PARD3B: variants seen among roughly 807,000 people sequenced by gnomAD.
PARD3B encodes partitioning defective 3 homolog B.
A neutral mutation model predicts 130.2 loss-of-function variants in PARD3B; 103 were observed. The ratio of observed to expected loss-of-function variants is 0.79; its 90% CI spans 0.67 to 0.93. PARD3B has a LOEUF of 0.93. Ranked by LOEUF, PARD3B falls within the 40% of genes least tolerant of loss-of-function variation. The pLI, the probability that PARD3B is intolerant of heterozygous loss-of-function variation, is 0.00. For synonymous variants in PARD3B, 583 were observed against 553.2 expected (o/e 1.05, Z -0.76); for missense variants, 1,609 against 1,499.2 (o/e 1.07, Z -1.21).
chr2:205,335,374 C>A lies in PARD3B; in HGVS notation c.2630+33673C>A, dbSNP rs562604492. Among the ~76,000 whole-genome samples the A allele has an allele frequency of 1.3e-3, 202 of 152,296 alleles. 1 individual carries two copies. The highest frequency in any genetic ancestry group is 4.8e-3 in the African/African-American group (200 of 41,558). ...CTGAAAGTCCCTGCTCTCAGGAACT[C>A]ACTATGCTCGTTGTAGAATTGTCTA... is the stretch of plus-strand genomic sequence containing the variant. On this transcript the variant is annotated intron_variant, in intron 18 of 22. Coordinates refer to ENST00000406610, the MANE Select transcript of PARD3B (RefSeq NM_001302769.2).
At chr2:205,346,942 T>G (rs2043817180) in intron 18 of PARD3B, among the ~76,000 whole-genome samples, 1 of 151,004 alleles carries the variant, frequency 6.6e-6, no homozygotes, top group African/African-American at 2.5e-5. Flanking sequence ...CTTCTGTAAC[T>G]CTTGTATATT....
chr2:204,832,395 T>A (rs1279334403), intron 2 of PARD3B, among the ~76,000 whole-genome samples: 1 of 152,218 alleles, frequency 6.6e-6, no homozygotes, highest in Non-Finnish European at 1.5e-5. Flanking sequence ...AATGAAATAA[T>A]CATTGACATA....
chr2:204,570,096 G>C (rs2031903093), intron 1 of PARD3B, among the ~76,000 whole-genome samples: 1 of 152,104 alleles, frequency 6.6e-6, no homozygotes, highest in African/African-American at 2.4e-5. Flanking sequence ...AGATATTGGG[G>C]CCTCCTTTGT....
At chr2:205,255,403 G>T (rs2040039466) in intron 16 of PARD3B, among the ~76,000 whole-genome samples, 1 of 152,050 alleles carries the variant, frequency 6.6e-6, no homozygotes, top group Non-Finnish European at 1.5e-5. Flanking sequence ...AATGTGTATG[G>T]TTTTTCCCCA....
chr2:205,131,147 C>T (rs1274478257), intron 10 of PARD3B, among the ~76,000 whole-genome samples: 1 of 151,900 alleles, frequency 6.6e-6, no homozygotes, highest in Non-Finnish European at 1.5e-5. Context: ...CAAATGATTC[C>T]ATGCTTAATT....
In PARD3B at chr2:205,550,955, G is replaced by GTGTGTGTATATATATATATATATATATA. The variant is rs796567936; in HGVS notation, c.3181-2368_3181-2367insGTGTGTATATATATATATATATATATAT. Among the ~76,000 whole-genome samples the GTGTGTGTATATATATATATATATATATA allele has an allele frequency of 1.1e-4, 10 of 94,460 alleles. No homozygotes were observed. The highest frequency in any genetic ancestry group is 3.3e-4 in the East Asian group (1 of 3,046). 62.0% of individuals were successfully genotyped at this position (94,460 alleles called of 152,430 possible). On this transcript the variant is annotated intron_variant, in intron 21 of 22. Transcript: ENST00000406610. This position sits in a 1 kb window ranked among gnomAD's most constrained non-coding sequence, Gnocchi z 4.5. ...TGTGTGTGTGTGTATATATATATGT[G>GTGTGTGTATATATATATATATATATATA]TATATATATATATATATATATACAC...
intron 10 of PARD3B, among the ~76,000 whole-genome samples, chr2:205,153,237 G>A (rs191433259): frequency 1.3e-5 from 2 of 152,252 alleles, no homozygotes; most frequent in African/African-American, 2.4e-5. Context: ...TGGGGGTCAG[G>A]GACCCACTTG....
At position 205,078,151 on chromosome 2, in the gene PARD3B, A is replaced by T. The variant is rs1575719605; in HGVS notation, c.505-26275A>T. ...TGTAATTAAGAGTGAGATATAGTTT[A>T]TTTATGAAAAGGTGCTTTTGTGTGG... is the stretch of plus-strand genomic sequence containing the variant. On this transcript the variant is annotated intron_variant, in intron 4 of 22. Transcript: ENST00000406610. This position sits in a 1 kb window ranked among gnomAD's most constrained non-coding sequence, Gnocchi z 4.0. Among the ~76,000 whole-genome samples, 1 of 152,318 alleles carries T rather than the reference A, an allele frequency of 6.6e-6. No homozygotes were observed. The highest frequency in any genetic ancestry group is 2.4e-5 in the African/African-American group (1 of 41,572).
At position 205,553,309 on chromosome 2, in the gene PARD3B, C is replaced by CT. The variant is rs1575341579; in HGVS notation, c.3181-11dup. On this transcript the variant is annotated splice_polypyrimidine_tract_variant and intron_variant, in intron 21 of 22. Coordinates refer to ENST00000406610, the MANE Select transcript of PARD3B (RefSeq NM_001302769.2). ...TATAATGGATCTTCATCTCTAATTG[C>CT]TTTTCTCTCCACAGGTGCCTGGAAG... is the stretch of plus-strand genomic sequence containing the variant. 1 of 1,611,194 alleles carries CT rather than the reference C, an allele frequency of 6.2e-7. No individual in the cohort carries two copies.
intron 2 of PARD3B, among the ~76,000 whole-genome samples, chr2:204,794,605 C>T (rs1199448245): frequency 1.3e-5 from 2 of 152,262 alleles, no homozygotes; most frequent in East Asian, 3.9e-4. Flanking sequence ...TATAAATGAC[C>T]TTGAGCACAG....
intron 2 of PARD3B, among the ~76,000 whole-genome samples, chr2:204,749,068 G>T (rs1271517299): frequency 6.6e-6 from 1 of 151,904 alleles, no homozygotes; most frequent in African/African-American, 2.4e-5. Context: ...AAATTGTAAA[G>T]TTTTGCAGGG....
At chr2:204,863,161 C>T (rs1461932089) in intron 2 of PARD3B, among the ~76,000 whole-genome samples, 1 of 152,186 alleles carries the variant, frequency 6.6e-6, no homozygotes, top group Non-Finnish European at 1.5e-5. Context: ...ATCAATACCT[C>T]TTGCCTCCTC....
At chr2:205,206,754 A>C (rs1384957001) in intron 15 of PARD3B, among the ~76,000 whole-genome samples, 1 of 152,110 alleles carries the variant, frequency 6.6e-6, no homozygotes, top group Non-Finnish European at 1.5e-5. Flanking sequence ...GCTGGGTCAA[A>C]TGGTATAATA....
In PARD3B at chr2:205,446,008, C is replaced by CT. The variant is rs1461532127; in HGVS notation, c.3044+5337dup. On this transcript the variant is annotated intron_variant, in intron 20 of 22. Coordinates refer to ENST00000406610, the MANE Select transcript of PARD3B (RefSeq NM_001302769.2). This position sits in a 1 kb window ranked among gnomAD's most constrained non-coding sequence, Gnocchi z 4.4. ...TAGGATCCAATGGCAATACAAAGAC[C>CT]TAAACATGCAGTGAGAACACAGTGT... is the stretch of plus-strand genomic sequence containing the variant. Among the ~76,000 whole-genome samples the CT allele has an allele frequency of 6.6e-6, 1 of 152,134 alleles. No individual in the cohort carries two copies.
chr2:204,718,392 G>C (rs553406209), intron 2 of PARD3B, among the ~76,000 whole-genome samples: 1 of 152,114 alleles, frequency 6.6e-6, no homozygotes, highest in Non-Finnish European at 1.5e-5. Flanking sequence ...CAATCATGGC[G>C]GAAGGGGAAG....
chr2:205,567,932 G>T (rs1475815160), intron 22 of PARD3B, among the ~76,000 whole-genome samples: 1 of 152,210 alleles, frequency 6.6e-6, no homozygotes, highest in Non-Finnish European at 1.5e-5. Context: ...AGATGGTAGG[G>T]AAGACACTCA....
At chr2:205,319,463 C>T (rs948507602) in intron 18 of PARD3B, among the ~76,000 whole-genome samples, 7 of 152,176 alleles carry the variant, frequency 4.6e-5, no homozygotes, top group Admixed American at 3.3e-4. Flanking sequence ...TGTATCTTAT[C>T]TGACTTTAAA....
intron 10 of PARD3B, among the ~76,000 whole-genome samples, chr2:205,144,535 T>A (rs1208174956): frequency 6.6e-6 from 1 of 152,230 alleles, no homozygotes; most frequent in African/African-American, 2.4e-5. Context: ...TTAATGGATT[T>A]GTCATCTTCT....
In PARD3B at chr2:205,081,864, A is replaced by G. The variant is rs1031393944; in HGVS notation, c.505-22562A>G. On this transcript the variant is annotated intron_variant, in intron 4 of 22. Coordinates refer to ENST00000406610, the MANE Select transcript of PARD3B (RefSeq NM_001302769.2). ...TTTCTTTATTGAGTAATGTATTTAT[A>G]TGGCCTAGGTTTCATGGTAATGCTA... Among the ~76,000 whole-genome samples the G allele has an allele frequency of 2.6e-5, 4 of 152,118 alleles. No individual in the cohort carries two copies. The East Asian group carries it at 7.7e-4, about 29-fold the overall frequency.
Sources: gnomAD v4.1 joint callset for allele counts (sites outside exome capture counted in the v4.1 genomes callset) on GRCh38, gnomAD v4.1.1 for gene constraint, Gnocchi (gnomAD v3.1) non-coding constraint, MANE v1.5 for transcripts, NCBI Gene and HGNC (gene_info 2026-07-23, HGNC 2026-07-21) for gene names.